The following FBXW7 variants were observed in gnomAD, a reference collection of about 807,000 sequenced individuals.
The protein encoded by FBXW7 is F-box and WD repeat domain containing 7.
Under a neutral mutation model 86.3 loss-of-function variants are expected in FBXW7, and 11 were observed. That is an observed-to-expected ratio of 0.13 (90% CI 0.08 to 0.21). The LOEUF is 0.21. Among genes scored for constraint, FBXW7 ranks in the 10% least tolerant of loss-of-function variants. The pLI is 1.00. For synonymous variants in FBXW7, 313 were observed against 297.9 expected (o/e 1.05, Z -0.52); for missense variants, 488 against 847.4 (o/e 0.58, Z 5.27).
intron 2 of FBXW7, among the ~76,000 whole-genome samples, chr4:152,428,775 T>C (rs181282125): frequency 6.4e-4 from 98 of 152,342 alleles, no homozygotes; most frequent in African/African-American, 2.2e-3. Context: ...AAGCTGAATA[T>C]ATTCTTTGGG....
chr4:152,479,667 G>A (rs942276594), intron 2 of FBXW7, among the ~76,000 whole-genome samples: 5 of 152,054 alleles, frequency 3.3e-5, no homozygotes, highest in Non-Finnish European at 5.9e-5. Flanking sequence ...TAAACATTAG[G>A]CAAGAATACA....
intron 6 of FBXW7, among the ~76,000 whole-genome samples, chr4:152,341,144 G>A (rs891494396): frequency 3.3e-5 from 5 of 152,160 alleles, no homozygotes; most frequent in African/African-American, 1.2e-4. Context: ...ACTGTACTCA[G>A]TGCTACTGTC....
chr4:152,458,900 A>C (rs1359498043), intron 2 of FBXW7, among the ~76,000 whole-genome samples: 5 of 152,190 alleles, frequency 3.3e-5, no homozygotes, highest in Non-Finnish European at 7.3e-5. Context: ...GTTTCACAAT[A>C]AGAGATAAAT....
At chr4:152,454,562 C>CA (rs1172360340) in intron 2 of FBXW7, among the ~76,000 whole-genome samples, 9 of 151,364 alleles carry the variant, frequency 5.9e-5, no homozygotes, top group Admixed American at 3.9e-4. Context: ...GAACTGAATG[C>CA]AAAAAAAATT....
At position 152,535,750 on chromosome 4, in the gene FBXW7, G is replaced by A. The variant is rs1051983768; in HGVS notation, c.-836C>T. The stretch of plus-strand genomic sequence containing the variant: ...CGCCTCCTCAGCGTTCTCTCACCGC[G>A]GAGCAGCTACCCACTCCCGGCCCGT... On this transcript the variant is annotated 5_prime_UTR_variant, in exon 1 of 14. Transcript: ENST00000281708. 1.0e-5 allele frequency: 4 copies of A among 393,330 alleles called. No homozygotes were observed. The highest frequency in any genetic ancestry group is 4.4e-5 in the Admixed American group (1 of 22,484). The allele number at this position is 393,330 out of a possible 1,614,324, so 24.4% of individuals were successfully genotyped here.
intron 2 of FBXW7, among the ~76,000 whole-genome samples, chr4:152,484,978 A>AT (rs5863009): frequency 6.6e-6 from 1 of 151,234 alleles, no homozygotes; most frequent in African/African-American, 2.4e-5. Context: ...AAAAAAAAAA[A>AT]GTATAAAGCC....
intron 2 of FBXW7, among the ~76,000 whole-genome samples, chr4:152,508,337 TAATGTA>T (rs1747623739): frequency 6.6e-6 from 1 of 151,988 alleles, no homozygotes; most frequent in Admixed American, 6.6e-5. Flanking sequence ...CAAAAACCAC[TAATGTA>T]AATACAGAAG....
chr4:152,458,874 T>C (rs748005761), intron 2 of FBXW7, among the ~76,000 whole-genome samples: 5 of 152,188 alleles, frequency 3.3e-5, no homozygotes, highest in Non-Finnish European at 7.3e-5. Flanking sequence ...ATGCCACTTC[T>C]ATGGGCCACA....
chr4:152,401,247 A>G (rs1162928788), intron 4 of FBXW7, among the ~76,000 whole-genome samples: 2 of 152,222 alleles, frequency 1.3e-5, no homozygotes, highest in African/African-American at 4.8e-5. Context: ...ACAGATTTTC[A>G]CAAGCAGCTA....
intron 4 of FBXW7, among the ~76,000 whole-genome samples, chr4:152,401,115 T>C (rs1736888130): frequency 6.6e-6 from 1 of 152,168 alleles, no homozygotes; most frequent in South Asian, 2.1e-4. Flanking sequence ...ATATAGACAC[T>C]TTGGAAGCCA....
At chr4:152,345,516 T>C (rs1191039101) in intron 6 of FBXW7, among the ~76,000 whole-genome samples, 1 of 152,080 alleles carries the variant, frequency 6.6e-6, no homozygotes, top group Non-Finnish European at 1.5e-5. Flanking sequence ...GTCCTTTGTA[T>C]TGCCTCTACT....
intron 4 of FBXW7, among the ~76,000 whole-genome samples, chr4:152,357,194 A>AT (rs1732466446): frequency 6.6e-6 from 1 of 152,060 alleles, no homozygotes; most frequent in Non-Finnish European, 1.5e-5. Context: ...ACTTAAACTT[A>AT]TTTTTTGGGG....
intron 12 of FBXW7, 131 bp from the exon 13 acceptor site, chr4:152,324,525 A>C: frequency 2.9e-6 from 2 of 689,416 alleles, no homozygotes; most frequent in East Asian, 5.4e-5. Context: ...AGGTACTAAG[A>C]TAAAGTGGCA....
At chr4:152,461,825 C>A (rs1002737268) in intron 2 of FBXW7, among the ~76,000 whole-genome samples, 28 of 152,198 alleles carry the variant, frequency 1.8e-4, no homozygotes, top group Admixed American at 6.5e-5. Flanking sequence ...AAACTGCAAA[C>A]TTCAGTAAGT....
At chr4:152,354,680 A>C (rs1467082984) in intron 4 of FBXW7, among the ~76,000 whole-genome samples, 1 of 152,136 alleles carries the variant, frequency 6.6e-6, no homozygotes. Context: ...ATATCTCTTA[A>C]CTTTGTATAT....
intron 11 of FBXW7, among the ~76,000 whole-genome samples, chr4:152,326,612 T>C (rs1729046306): frequency 6.6e-6 from 1 of 152,114 alleles, no homozygotes; most frequent in South Asian, 2.1e-4. Context: ...TGTGGGCATA[T>C]GTATAAAATG....
At chr4:152,397,233 A>C (rs1220072281) in intron 4 of FBXW7, among the ~76,000 whole-genome samples, 1 of 152,052 alleles carries the variant, frequency 6.6e-6, no homozygotes, top group Non-Finnish European at 1.5e-5. Flanking sequence ...CATAACACAG[A>C]AATTAATAAT....
In FBXW7 at chr4:152,483,403, A is replaced by G. The variant is rs929026585; in HGVS notation, c.-120+51538T>C. On this transcript the variant is annotated intron_variant, in intron 2 of 13. Transcript: ENST00000281708. ...AGATATATGGCTCTTTATAGGGAAA[A>G]AAAAAAAAAGCTTTTTGAGGCTGGG... Among the ~76,000 whole-genome samples, 4 of 151,918 alleles carry G rather than the reference A, an allele frequency of 2.6e-5. No individual in the cohort carries two copies. In the East Asian group the frequency reaches 5.8e-4, roughly 22 times the overall value.
intron 2 of FBXW7, among the ~76,000 whole-genome samples, chr4:152,418,310 T>C (rs2126905462): frequency 6.6e-6 from 1 of 152,336 alleles, no homozygotes; most frequent in East Asian, 1.9e-4. Flanking sequence ...TTTCAGTCTC[T>C]GTAAGGTGTG....
Sources: gnomAD v4.1 joint callset for allele counts (sites outside exome capture counted in the v4.1 genomes callset) on GRCh38, gnomAD v4.1.1 for gene constraint, MANE v1.5 for transcripts, NCBI Gene and HGNC (gene_info 2026-07-23, HGNC 2026-07-21) for gene names.